Variants in HIPK1 observed in about 807,000 individuals in gnomAD.
HIPK1 encodes homeodomain interacting protein kinase 1.
A neutral mutation model predicts 117.1 loss-of-function variants in HIPK1; 28 were observed. The ratio of observed to expected loss-of-function variants is 0.24; its 90% CI spans 0.18 to 0.33. The LOEUF (loss-of-function observed/expected upper bound fraction) is 0.33, where lower values mean the gene tolerates loss of function less well. Ranked by LOEUF, HIPK1 falls within the 10% of genes least tolerant of loss-of-function variation. The pLI is 1.00. For missense variants in HIPK1, 1,122 were observed against 1,475.1 expected (o/e 0.76, Z 3.92); for synonymous variants, 605 against 562.5 (o/e 1.08, Z -1.07).
In HIPK1 at chr1:113,973,008, T is replaced by G; in HGVS notation, c.3145-16T>G. On this transcript the variant is annotated splice_polypyrimidine_tract_variant and intron_variant, in intron 15 of 15. Coordinates refer to ENST00000426820, the MANE Select transcript of HIPK1 (RefSeq NM_198268.3). ...AGTGACCTCAGGATTCCTCACTTCT[T>G]CCTTCTTTCTTCCAGAACCAGCAGT... is the stretch of plus-strand genomic sequence containing the variant. The G allele has an allele frequency of 6.6e-7, 1 of 1,512,826 alleles. No individual in the cohort carries two copies. The highest frequency in any genetic ancestry group is 8.8e-7 in the Non-Finnish European group (1 of 1,130,860). 93.7% of individuals were successfully genotyped at this position (1,512,826 alleles called of 1,614,324 possible). A position where few individuals can be genotyped will look rare whatever the true frequency, so the allele number is the denominator to read the frequency against.
At chr1:113,968,060 T>A (rs1672574021) in intron 12 of HIPK1, 112 bp downstream of exon 12, 1 of 934,238 alleles carries the variant, frequency 1.1e-6, no homozygotes. Context: ...AGCAAGTAGC[T>A]GCCAAATTGA....
intron 2 of HIPK1, among the ~76,000 whole-genome samples, chr1:113,952,050 T>C (rs1192625205): frequency 2.6e-5 from 4 of 151,744 alleles, no homozygotes; most frequent in African/African-American, 9.7e-5. Flanking sequence ...GCGATTCTTT[T>C]GTCTCAACCT....
At chr1:113,956,067 A>ATTTTTTTT (rs755763487) in intron 5 of HIPK1, among the ~76,000 whole-genome samples, 10 of 91,824 alleles carry the variant, frequency 1.1e-4, no homozygotes, top group Non-Finnish European at 1.6e-4. Context: ...TACTTGTTCC[A>ATTTTTTTT]TTTTTTTTTT....
At chr1:113,938,618 T>C (rs749861903) in intron 1 of HIPK1, among the ~76,000 whole-genome samples, 16 of 151,814 alleles carry the variant, frequency 1.1e-4, no homozygotes, top group Non-Finnish European at 1.8e-4. Flanking sequence ...ATTTGAAATA[T>C]ACTTAGGAGG....
intron 1 of HIPK1, among the ~76,000 whole-genome samples, chr1:113,939,437 T>C (rs1046101034): frequency 6.6e-6 from 1 of 151,804 alleles, no homozygotes; most frequent in Admixed American, 6.6e-5. Flanking sequence ...GGATGTGTGA[T>C]GGCATCTCAT....
rs1223779113 is a variant in HIPK1 at position 113,955,578 on chromosome 1, G to A, written c.1336G>A (p.Glu446Lys). The part of the protein sequence containing the change: ...LWRLKTPEEH[E>K]LETGIKSKEA... The stretch of plus-strand genomic sequence containing the variant: ...TATTTTATAGACACCTGAAGAACAT[G>A]AACTGGAGACTGGAATAAAATCAAA... The change falls in exon 5 of 16, where the codon GAA (glutamate) becomes AAA (lysine). Residue 446 changes from glutamate (E) to lysine (K), a missense_variant. Around this residue, in one of 6 missense-constraint regions of HIPK1, gnomAD observed 127 missense variants for 197.9 expected, o/e 0.64. Coordinates refer to ENST00000426820, the MANE Select transcript of HIPK1 (RefSeq NM_198268.3). The A allele has an allele frequency of 6.3e-7, 1 of 1,588,104 alleles. No individual in the cohort carries two copies. The highest frequency in any genetic ancestry group is 8.6e-7 in the Non-Finnish European group (1 of 1,156,942).
At chr1:113,957,034 A>G in intron 6 of HIPK1, 90 bp from the exon 7 acceptor site, 1 of 1,134,360 alleles carries the variant, frequency 8.8e-7, no homozygotes, top group Non-Finnish European at 1.3e-6. Context: ...GTGATTGGGA[A>G]AAAAAGCTTT....
chr1:113,931,492 A>C (rs1164333154), intron 1 of HIPK1, among the ~76,000 whole-genome samples: 1 of 152,188 alleles, frequency 6.6e-6, no homozygotes, highest in Non-Finnish European at 1.5e-5. Context: ...AGATCTTATA[A>C]ATATACTGGC....
chr1:113,957,762 G>T (rs1337226307), intron 7 of HIPK1, among the ~76,000 whole-genome samples: 3 of 152,184 alleles, frequency 2.0e-5, no homozygotes, highest in African/African-American at 4.8e-5. Context: ...TTTAATGGAA[G>T]AGCCTATGAG....
At chr1:113,934,207 G>A (rs1342951801) in intron 1 of HIPK1, among the ~76,000 whole-genome samples, 1 of 152,200 alleles carries the variant, frequency 6.6e-6, no homozygotes, top group Non-Finnish European at 1.5e-5. Context: ...ATAACATTGA[G>A]CAAAAGCAAC....
intron 1 of HIPK1, among the ~76,000 whole-genome samples, chr1:113,930,178 C>T (rs1669768277): frequency 6.6e-6 from 1 of 152,238 alleles, no homozygotes; most frequent in Non-Finnish European, 1.5e-5. Flanking sequence ...CGGGGCAACT[C>T]CCCCTGCCTC....
intron 10 of HIPK1, among the ~76,000 whole-genome samples, chr1:113,964,467 T>A (rs1220830341): frequency 6.6e-6 from 1 of 152,208 alleles, no homozygotes. Flanking sequence ...GGAGTTAGAA[T>A]TGTTTATTGG....
intron 10 of HIPK1, among the ~76,000 whole-genome samples, chr1:113,965,663 A>G (rs1484335741): frequency 6.6e-6 from 1 of 152,154 alleles, no homozygotes; most frequent in Non-Finnish European, 1.5e-5. Context: ...TAAAAAAGGG[A>G]ACAGTTCTGC....
chr1:113,949,129 C>T (rs935020728), intron 2 of HIPK1, among the ~76,000 whole-genome samples: 3 of 152,190 alleles, frequency 2.0e-5, no homozygotes, highest in Non-Finnish European at 2.9e-5. Flanking sequence ...TGAGCCACCG[C>T]GCCTGGCCTG....
At chr1:113,934,286 T>C (rs1282206495) in intron 1 of HIPK1, among the ~76,000 whole-genome samples, 3 of 152,212 alleles carry the variant, frequency 2.0e-5, no homozygotes, top group Admixed American at 6.5e-5. Context: ...GGAAAATGAT[T>C]ACCTGGGTTG....
Position 113,940,712 on chromosome 1 carries a change from GCAA to G in HIPK1, c.331_333del (p.Asn111del). 3 of 1,614,164 alleles carry G rather than the reference GCAA, an allele frequency of 1.9e-6. No homozygotes were observed. The highest frequency in any genetic ancestry group is 2.5e-6 in the Non-Finnish European group (3 of 1,180,032). ...AGCAGCCAGACCCTGACTCACAGAA[GCAA>G]CGTTTCTTTGCTTGAGCCATATCAA... On this transcript the variant is annotated inframe_deletion, in exon 2 of 16. Coordinates refer to ENST00000426820, the MANE Select transcript of HIPK1 (RefSeq NM_198268.3).
intron 1 of HIPK1, chr1:113,933,255 G>T (rs1291875842): frequency 2.2e-6 from 2 of 929,488 alleles, no homozygotes; most frequent in Non-Finnish European, 1.3e-6. Flanking sequence ...GTTAGGAAAA[G>T]AAAAGCCTAA....
At chr1:113,965,230 T>A (rs1471945361) in intron 10 of HIPK1, among the ~76,000 whole-genome samples, 1 of 152,138 alleles carries the variant, frequency 6.6e-6, no homozygotes, top group Non-Finnish European at 1.5e-5. Context: ...CCAAGCATTG[T>A]AGGTAATTGT....
At chr1:113,938,047 C>T (rs1670365005) in intron 1 of HIPK1, among the ~76,000 whole-genome samples, 2 of 151,522 alleles carry the variant, frequency 1.3e-5, no homozygotes, top group Admixed American at 6.6e-5. Flanking sequence ...TCACTGTAGC[C>T]TCAATGTCCC....
Sources: allele counts gnomAD v4.1 joint callset (sites outside exome capture counted in the v4.1 genomes callset), GRCh38; gene constraint gnomAD v4.1.1; regional missense constraint gnomAD v4.1.1; transcripts MANE v1.5; gene names NCBI Gene and HGNC (gene_info 2026-07-23, HGNC 2026-07-21).